Variants in BANK1 observed in about 807,000 individuals in gnomAD.
BANK1 encodes the protein B cell scaffold protein with ankyrin repeats 1.
In BANK1, 95 loss-of-function variants were observed where a neutral mutation model predicts 94.5. The ratio of observed to expected loss-of-function variants is 1.00; its 90% CI spans 0.85 to 1.19. The LOEUF is 1.19. BANK1 is among the 50% of genes most tolerant of loss of function. BANK1 has a pLI of 0.00. For missense variants in BANK1, 987 were observed against 932.2 expected (o/e 1.06, Z -0.77); for synonymous variants, 334 against 308.4 (o/e 1.08, Z -0.87).
intron 1 of BANK1, among the ~76,000 whole-genome samples, chr4:101,807,438 C>T (rs1159840723): frequency 6.6e-6 from 1 of 152,106 alleles, no homozygotes; most frequent in African/African-American, 2.4e-5. Context: ...TCATGAGGAA[C>T]CAGAGCTCCA....
intron 6 of BANK1, among the ~76,000 whole-genome samples, chr4:101,913,925 A>T (rs770390938): frequency 6.6e-6 from 1 of 152,158 alleles, no homozygotes; most frequent in Non-Finnish European, 1.5e-5. Flanking sequence ...GGTGCTTTGG[A>T]TGACAGAATA....
At chr4:101,854,971 A>T in intron 2 of BANK1, 64 bp from the exon 3 acceptor site, 1 of 1,272,026 alleles carries the variant, frequency 7.9e-7, no homozygotes, top group South Asian at 1.6e-5. Context: ...TAGTCTTTAT[A>T]GCAATGGAGG....
intron 2 of BANK1, among the ~76,000 whole-genome samples, chr4:101,849,205 C>T (rs781468152): frequency 6.6e-6 from 1 of 152,180 alleles, no homozygotes; most frequent in African/African-American, 2.4e-5. Flanking sequence ...TACTTTTTTA[C>T]TCTTAATCCG....
chr4:101,887,862 T>A (rs1398133107), intron 5 of BANK1, among the ~76,000 whole-genome samples: 1 of 152,218 alleles, frequency 6.6e-6, no homozygotes, highest in Non-Finnish European at 1.5e-5. Flanking sequence ...TTTAGATTTA[T>A]ACATTTACAT....
At chr4:101,971,041 T>G (rs889608150) in intron 7 of BANK1, among the ~76,000 whole-genome samples, 1 of 152,102 alleles carries the variant, frequency 6.6e-6, no homozygotes. Flanking sequence ...GGATGAACTC[T>G]TCATGCAACA....
intron 1 of BANK1, among the ~76,000 whole-genome samples, chr4:101,792,606 A>G (rs1219399576): frequency 6.6e-6 from 1 of 152,016 alleles, no homozygotes; most frequent in African/African-American, 2.4e-5. Flanking sequence ...TCATGGTTTC[A>G]TAACTAGTAA....
Position 101,977,514 on chromosome 4 carries a change from A to G in BANK1, c.1207-44000A>G, listed in dbSNP as rs574209156. Among the ~76,000 whole-genome samples the G allele has an allele frequency of 2.0e-5, 3 of 152,300 alleles. No homozygotes were observed. In the East Asian group the frequency reaches 5.8e-4, roughly 29 times the overall value. On this transcript the variant is annotated intron_variant, in intron 7 of 16. Transcript: ENST00000322953. ...CATAAACTGTGTTGTTATTTATTAAATCAAGATATTCCTGTGATGTGGCCC... is the reference window on the plus strand; with the variant it reads ...CATAAACTGTGTTGTTATTTATTAAGTCAAGATATTCCTGTGATGTGGCCC...
intron 7 of BANK1, among the ~76,000 whole-genome samples, chr4:101,936,186 GATAT>G (rs59723463): frequency 1.4e-5 from 2 of 146,856 alleles, no homozygotes; most frequent in Admixed American, 6.8e-5. Context: ...AAATATATAT[GATAT>G]ATATATTTTT....
chr4:102,063,965 TA>T (rs1400791900), intron 13 of BANK1, among the ~76,000 whole-genome samples: 1 of 152,130 alleles, frequency 6.6e-6, no homozygotes, highest in African/African-American at 2.4e-5. Flanking sequence ...CAGTGGAGGT[TA>T]GGGGAGGGGA....
chr4:101,853,679 G>C (rs1270663378), intron 2 of BANK1, among the ~76,000 whole-genome samples: 3 of 152,132 alleles, frequency 2.0e-5, no homozygotes, highest in Non-Finnish European at 2.9e-5. Context: ...CATATTAATG[G>C]AATATTAATG....
At chr4:101,985,769 A>T (rs530958980) in intron 7 of BANK1, among the ~76,000 whole-genome samples, 2 of 152,112 alleles carry the variant, frequency 1.3e-5, no homozygotes, top group African/African-American at 4.8e-5. Context: ...AAAAATCTAC[A>T]TTCAACATCT....
Position 101,903,971 on chromosome 4 carries a change from A to G in BANK1, c.1009+8561A>G, listed in dbSNP as rs555545556. ...GGTGGCAGCACAAAGTATATCATCC[A>G]TATAGTGAATAATGTAACACTGTGA... On this transcript the variant is annotated intron_variant, in intron 6 of 16. Transcript: ENST00000322953. Among the ~76,000 whole-genome samples the G allele has an allele frequency of 1.5e-3, 233 of 152,336 alleles. 1 individual carries two copies. The highest frequency in any genetic ancestry group is 5.2e-3 in the African/African-American group (216 of 41,572).
intron 11 of BANK1, among the ~76,000 whole-genome samples, chr4:102,052,113 C>CTTTTTTTT (rs199811166): frequency 0.011 from 1,093 of 103,836 alleles, no homozygotes; most frequent in Non-Finnish European, 0.014. Context: ...TTCTTTTTTT[C>CTTTTTTTT]TTTTTTTTTT....
intron 14 of BANK1, among the ~76,000 whole-genome samples, chr4:102,072,003 A>T (rs1242590413): frequency 6.6e-6 from 1 of 152,156 alleles, no homozygotes; most frequent in Non-Finnish European, 1.5e-5. Context: ...TTTTGTGGAA[A>T]AGTGTGTTTT....
Position 102,038,545 on chromosome 4 carries a change from C to G in BANK1, c.1901-5294C>G, listed in dbSNP as rs188821775. Among the ~76,000 whole-genome samples, 6 of 152,208 alleles carry G rather than the reference C, an allele frequency of 3.9e-5. 1 individual carries two copies. In the South Asian group the frequency reaches 8.3e-4, roughly 21 times the overall value. On this transcript the variant is annotated intron_variant, in intron 10 of 16. Transcript: ENST00000322953. Reference sequence around the variant, plus strand: ...CAGTGCTATACAAGCAATAGTTGTTCAATACATGCTGCCTCCTGCTAACAG... The same window carrying G: ...CAGTGCTATACAAGCAATAGTTGTTGAATACATGCTGCCTCCTGCTAACAG...
intron 6 of BANK1, 38 bp downstream of exon 6, chr4:101,895,448 C>T: frequency 8.1e-7 from 1 of 1,230,480 alleles, no homozygotes. Flanking sequence ...TTCTTTTTAT[C>T]ACATTCCATT....
At chr4:101,981,970 G>A (rs1468131015) in intron 7 of BANK1, 2 of 152,130 alleles carry the variant, frequency 1.3e-5, no homozygotes, top group African/African-American at 2.4e-5. Flanking sequence ...TGTGTGGGTA[G>A]GGATTGTGGT....
At chr4:101,875,638 A>G (rs1008214379) in intron 5 of BANK1, among the ~76,000 whole-genome samples, 1 of 152,162 alleles carries the variant, frequency 6.6e-6, no homozygotes, top group African/African-American at 2.4e-5. Context: ...CATGGGGATT[A>G]CAATTCAAGA....
chr4:101,842,649 T>C (rs1297725919), intron 2 of BANK1, among the ~76,000 whole-genome samples: 1 of 152,240 alleles, frequency 6.6e-6, no homozygotes, highest in Non-Finnish European at 1.5e-5. Context: ...TTCTTAGATA[T>C]ATACGTACTC....
Sources: gnomAD v4.1 joint callset for allele counts (sites outside exome capture counted in the v4.1 genomes callset) on GRCh38, gnomAD v4.1.1 for gene constraint, MANE v1.5 for transcripts, NCBI Gene and HGNC (gene_info 2026-07-23, HGNC 2026-07-21) for gene names.